TCF4: variants seen among roughly 807,000 people sequenced by gnomAD.
The protein encoded by TCF4 is transcription factor 4, also known as SL3-3 enhancer factor 2.
Under a neutral mutation model 82.1 loss-of-function variants are expected in TCF4, and 3 were observed. The observed-to-expected ratio is 0.04, with a 90% CI of 0.02 to 0.09. The LOEUF (loss-of-function observed/expected upper bound fraction) is 0.09, where lower values mean the gene tolerates loss of function less well. TCF4 is among the 10% of genes least tolerant of loss of function. The pLI is 1.00. For synonymous variants in TCF4, 276 were observed against 309.6 expected, an observed-to-expected ratio of 0.89 and a Z score of 1.14; for missense variants, 518 against 852.7, an observed-to-expected ratio of 0.61 and a Z score of 4.89.
intron 5 of TCF4, among the ~76,000 whole-genome samples, chr18:55,453,196 C>G (rs2095660712): frequency 1.3e-5 from 2 of 151,250 alleles, no homozygotes; most frequent in African/African-American, 4.9e-5. Flanking sequence ...CTCACCCTTC[C>G]CCTTCTTTCT....
At chr18:55,331,210 A>T (rs1373416619) in intron 8 of TCF4, among the ~76,000 whole-genome samples, 4 of 152,190 alleles carry the variant, frequency 2.6e-5, no homozygotes, top group South Asian at 2.1e-4. Context: ...CAGAAGCTGC[A>T]AGACAGAAGC....
chr18:55,277,144 C>G (rs1277487940), intron 9 of TCF4, among the ~76,000 whole-genome samples: 1 of 152,160 alleles, frequency 6.6e-6, no homozygotes, highest in Non-Finnish European at 1.5e-5. Context: ...AAGTACCCCT[C>G]TACTGAAAGG....
intron 10 of TCF4, among the ~76,000 whole-genome samples, chr18:55,270,390 T>C (rs1218828382): frequency 6.6e-6 from 1 of 152,146 alleles, no homozygotes; most frequent in South Asian, 2.1e-4. Flanking sequence ...CATTTCATCC[T>C]GATCTTCTTG....
intron 10 of TCF4, among the ~76,000 whole-genome samples, chr18:55,271,273 T>C (rs181591551): frequency 1.3e-5 from 2 of 152,256 alleles, no homozygotes; most frequent in Non-Finnish European, 2.9e-5. Context: ...GCCTTTCATT[T>C]CTTGCTTTTT....
intron 8 of TCF4, among the ~76,000 whole-genome samples, chr18:55,307,444 G>C (rs534866392): frequency 2.6e-5 from 4 of 152,150 alleles, no homozygotes; most frequent in Non-Finnish European, 5.9e-5. Context: ...AGCCATAAGG[G>C]TCAAATACTC....
At chr18:55,491,023 GA>G (rs147290743) in intron 3 of TCF4, among the ~76,000 whole-genome samples, 13 of 151,894 alleles carry the variant, frequency 8.6e-5, no homozygotes, top group African/African-American at 1.9e-4. Context: ...GATTATGGGG[GA>G]AAAAAAATCC....
chr18:55,627,936 T>G (rs1436741404), intron 2 of TCF4, among the ~76,000 whole-genome samples: 1 of 152,064 alleles, frequency 6.6e-6, no homozygotes, highest in Non-Finnish European at 1.5e-5. Context: ...GGCAGGCGCC[T>G]GTAGTCCCAG....
At chr18:55,570,029 T>G (rs1337009534) in intron 3 of TCF4, among the ~76,000 whole-genome samples, 1 of 152,082 alleles carries the variant, frequency 6.6e-6, no homozygotes, top group African/African-American at 2.4e-5. Context: ...ATAACATTTA[T>G]TATAATGTGA....
intron 5 of TCF4, among the ~76,000 whole-genome samples, chr18:55,426,491 T>C (rs2094988276): frequency 6.6e-6 from 1 of 152,202 alleles, no homozygotes; most frequent in South Asian, 2.1e-4. Flanking sequence ...GCATTCTACA[T>C]TTGTATTTCC....
intron 3 of TCF4, among the ~76,000 whole-genome samples, chr18:55,522,866 T>C (rs779703987): frequency 6.6e-6 from 1 of 152,074 alleles, no homozygotes; most frequent in Non-Finnish European, 1.5e-5. Context: ...AATTAAAATG[T>C]ACACTACAGA....
chr18:55,406,126 CTTTTTTTTTTTTTT>C (rs34522468), intron 5 of TCF4, among the ~76,000 whole-genome samples: 2 of 116,100 alleles, frequency 1.7e-5, no homozygotes, highest in African/African-American at 3.2e-5. Context: ...GGGAGGTGGA[CTTTTTTTTTTTTTT>C]TTTTTTTTTA....
At chr18:55,373,846 T>C (rs990397109) in intron 6 of TCF4, among the ~76,000 whole-genome samples, 4 of 151,098 alleles carry the variant, frequency 2.6e-5, no homozygotes, top group Non-Finnish European at 5.9e-5. Context: ...AATAGGGAAA[T>C]AGTATTCATT....
chr18:55,299,956 T>C (rs1568828776), intron 8 of TCF4, among the ~76,000 whole-genome samples: 1 of 152,100 alleles, frequency 6.6e-6, no homozygotes, highest in Non-Finnish European at 1.5e-5. Context: ...CTCACTTGCT[T>C]TTCCATCATC....
intron 13 of TCF4, among the ~76,000 whole-genome samples, chr18:55,257,659 A>G (rs922037429): frequency 6.6e-6 from 1 of 152,184 alleles, no homozygotes; most frequent in African/African-American, 2.4e-5. Flanking sequence ...AATTTTGGTA[A>G]GAAGGGTTCC....
chr18:55,572,978 G>A (rs1186384256), intron 3 of TCF4, among the ~76,000 whole-genome samples: 1 of 151,870 alleles, frequency 6.6e-6, no homozygotes, highest in Admixed American at 6.6e-5. Context: ...ACTTGAACTC[G>A]GGAGGCAGAG....
At chr18:55,562,337 C>A (rs780467960) in intron 3 of TCF4, among the ~76,000 whole-genome samples, 6 of 152,168 alleles carry the variant, frequency 3.9e-5, no homozygotes, top group Non-Finnish European at 8.8e-5. Flanking sequence ...TTTATAGATA[C>A]CTATATAGCT....
At chr18:55,258,468 C>T (rs1241206546) in intron 13 of TCF4, among the ~76,000 whole-genome samples, 5 of 152,026 alleles carry the variant, frequency 3.3e-5, no homozygotes, top group African/African-American at 1.2e-4. Flanking sequence ...TTTTCTTTCC[C>T]ACCATTAATC....
chr18:55,466,294 G>C (rs1235426369), intron 3 of TCF4, among the ~76,000 whole-genome samples: 2 of 152,160 alleles, frequency 1.3e-5, no homozygotes, highest in Non-Finnish European at 2.9e-5. Flanking sequence ...CCAGGAGTTT[G>C]AGACCAGCCT....
chr18:55,293,952 T>TTTTTTTTTTTTG, intron 8 of TCF4, among the ~76,000 whole-genome samples: 1 of 138,408 alleles, frequency 7.2e-6, no homozygotes. Context: ...TTTTTTTTTT[T>TTTTTTTTTTTTG]TTTTTTTTTT....
Sources: allele counts gnomAD v4.1 joint callset (sites outside exome capture counted in the v4.1 genomes callset), GRCh38; gene constraint gnomAD v4.1.1; transcripts MANE v1.5; gene names NCBI Gene and HGNC (gene_info 2026-07-23, HGNC 2026-07-21).